IPO7: variants seen among roughly 807,000 people sequenced by gnomAD.
IPO7 encodes the protein importin 7.
In IPO7, 13 loss-of-function variants were observed where a neutral mutation model predicts 136.4. The ratio of observed to expected loss-of-function variants is 0.10; its 90% CI spans 0.06 to 0.15. The LOEUF (loss-of-function observed/expected upper bound fraction) is 0.15, where lower values mean the gene tolerates loss of function less well. Among genes scored for constraint, IPO7 ranks in the 10% least tolerant of loss-of-function variants. The pLI, the probability that IPO7 is intolerant of heterozygous loss-of-function variation, is 1.00. For synonymous variants in IPO7, 403 were observed against 404.4 expected (o/e 1.00, Z 0.04); for missense variants, 857 against 1,240.6 (o/e 0.69, Z 4.65).
At chr11:9,429,434 G>A (rs762615428) in intron 14 of IPO7, among the ~76,000 whole-genome samples, 3 of 151,728 alleles carry the variant, frequency 2.0e-5, no homozygotes, top group Non-Finnish European at 2.9e-5. Flanking sequence ...AGAGCCCGAC[G>A]GTTCGAGGCT....
At chr11:9,425,029 T>C in intron 11 of IPO7, 39 bp downstream of exon 11, 2 of 1,406,154 alleles carry the variant, frequency 1.4e-6, no homozygotes, top group Non-Finnish European at 2.0e-6. Flanking sequence ...TTCTGTATTA[T>C]TTAAAATTTA....
intron 24 of IPO7, 101 bp downstream of exon 24, chr11:9,442,298 G>T (rs537168849): frequency 2.7e-4 from 147 of 543,980 alleles, no homozygotes; most frequent in African/African-American, 2.5e-3. Flanking sequence ...CATTTAAGAT[G>T]ATATAAAAGG....
At chr11:9,403,982 C>G (rs1036201082) in intron 2 of IPO7, among the ~76,000 whole-genome samples, 8 of 152,164 alleles carry the variant, frequency 5.3e-5, no homozygotes, top group Admixed American at 2.6e-4. Context: ...CTGCCTTAGC[C>G]TCCTGAGTAG....
chr11:9,388,473 C>A (rs543474597), intron 1 of IPO7, among the ~76,000 whole-genome samples: 16 of 150,482 alleles, frequency 1.1e-4, no homozygotes, highest in African/African-American at 3.9e-4. Flanking sequence ...CCATGCCCAG[C>A]CTATTTATTT....
rs186689543 is a variant in IPO7, at chr11:9,389,178, G to A, written c.84+4331G>A. Among the ~76,000 whole-genome samples, 111 of 151,976 alleles carry A rather than the reference G, an allele frequency of 7.3e-4. No homozygotes were observed. The Middle Eastern group carries it at 0.01, about 14-fold the overall frequency. On this transcript the variant is annotated intron_variant, in intron 1 of 24. Transcript: ENST00000379719. ...AGCGATTCTCAGTCCTCAGCCTCTT[G>A]AGTAACTGAGACTACAGGTGCCACC... is the stretch of plus-strand genomic sequence containing the variant.
chr11:9,390,014 C>A (rs1590423755), intron 1 of IPO7, among the ~76,000 whole-genome samples: 1 of 152,184 alleles, frequency 6.6e-6, no homozygotes, highest in East Asian at 1.9e-4. Context: ...CCTCAGCCTC[C>A]CAAAGTCTTG....
intron 18 of IPO7, among the ~76,000 whole-genome samples, chr11:9,434,142 C>T (rs147378084): frequency 1.5e-4 from 23 of 151,984 alleles, no homozygotes; most frequent in Non-Finnish European, 2.1e-4. Context: ...AGACTGGTCT[C>T]GAACTCCCGA....
At chr11:9,434,797 C>T in intron 18 of IPO7, 137 bp from the exon 19 acceptor site, 1 of 675,004 alleles carries the variant, frequency 1.5e-6, no homozygotes, top group Non-Finnish European at 2.7e-6. Context: ...GAGAGTGTCC[C>T]CCCTCCCCCC....
chr11:9,428,870 A>T, intron 13 of IPO7, 161 bp from the exon 14 acceptor site: 1 of 804,412 alleles, frequency 1.2e-6, no homozygotes. Context: ...CATGCGGCCA[A>T]AGAGTAACTT....
intron 6 of IPO7, among the ~76,000 whole-genome samples, chr11:9,419,584 A>G (rs78517851): frequency 6.9e-6 from 1 of 144,886 alleles, no homozygotes; most frequent in African/African-American, 2.5e-5. Context: ...ATATATATAT[A>G]TATGTTATGG....
intron 3 of IPO7, among the ~76,000 whole-genome samples, chr11:9,409,022 G>C (rs1437692934): frequency 6.6e-6 from 1 of 151,104 alleles, no homozygotes; most frequent in African/African-American, 2.4e-5. Context: ...TTTCTGGGGG[G>C]CTTTTGGGGG....
At chr11:9,426,526 G>C (rs12797567) in intron 12 of IPO7, among the ~76,000 whole-genome samples, 70,049 of 151,880 alleles carry the variant, frequency 0.46, 17,960 homozygotes, top group Non-Finnish European at 0.58. Flanking sequence ...ATACCTAGGA[G>C]TATGAATTGC....
At chr11:9,415,112 G>A (rs953720588) in intron 5 of IPO7, among the ~76,000 whole-genome samples, 10 of 151,586 alleles carry the variant, frequency 6.6e-5, no homozygotes, top group Non-Finnish European at 1.0e-4. Context: ...GAGGAGGGGA[G>A]TTCGAGACCA....
At chr11:9,419,286 A>T (rs1359693451) in intron 6 of IPO7, among the ~76,000 whole-genome samples, 1 of 152,080 alleles carries the variant, frequency 6.6e-6, no homozygotes, top group Non-Finnish European at 1.5e-5. Context: ...GTGGTGGCTT[A>T]CGCCTGTAAT....
rs1166583927 is a variant in IPO7 at position 9,409,935 on chromosome 11, C to G, written c.328C>G (p.Leu110Val). 4 of 1,555,042 alleles carry G rather than the reference C, an allele frequency of 2.6e-6. No homozygotes were observed. The South Asian group carries it at 3.7e-5, about 14-fold the overall frequency. ...IHSPELIRVQLTTCIHHIIKH... is the reference protein window; with the variant it reads ...IHSPELIRVQVTTCIHHIIKH... ...TTTTTTTTTGGCTTCCAGGGTACAG[C>G]TTACTACATGCATTCATCACATCAT... Residue 110 changes from leucine (L) to valine (V), a missense_variant, in exon 4 of 25, where the codon CTT becomes GTT. Around this residue, in one of 11 missense-constraint regions of IPO7, gnomAD observed 287 missense variants for 307.5 expected, o/e 0.93. Transcript: ENST00000379719.
Position 9,423,176 on chromosome 11 carries a change from TA to T in IPO7, c.1041+37del, listed in dbSNP as rs760512496. Reference sequence around the variant, plus strand: ...TTATCTGAAATGTTTTTATAGTAAATATAATAGAAATGACATCAATTGCCAT... The same window carrying T: ...TTATCTGAAATGTTTTTATAGTAAATTAATAGAAATGACATCAATTGCCAT... On this transcript the variant is annotated intron_variant, in intron 9 of 24. Transcript: ENST00000379719. The T allele has an allele frequency of 8.6e-6, 12 of 1,390,880 alleles. No individual in the cohort carries two copies. In the African/African-American group the frequency reaches 1.7e-4, roughly 20 times the overall value. 86.2% of individuals were successfully genotyped at this position (1,390,880 alleles called of 1,614,324 possible).
chr11:9,391,939 T>C (rs2133718589), intron 1 of IPO7, among the ~76,000 whole-genome samples: 1 of 151,952 alleles, frequency 6.6e-6, no homozygotes, highest in South Asian at 2.1e-4. Flanking sequence ...CCTAAGTTTT[T>C]TATTTTTTGT....
chr11:9,425,818 G>T (rs1855196868), intron 12 of IPO7, among the ~76,000 whole-genome samples: 1 of 151,654 alleles, frequency 6.6e-6, no homozygotes, highest in Non-Finnish European at 1.5e-5. Context: ...CGTGGAGTTT[G>T]CAGTGAGCCG....
chr11:9,394,463 AAT>A (rs1273478064), intron 1 of IPO7, among the ~76,000 whole-genome samples: 1 of 152,188 alleles, frequency 6.6e-6, no homozygotes, highest in African/African-American at 2.4e-5. Context: ...CTGTTGTACT[AAT>A]AGTTTTTCAT....
Sources: gnomAD v4.1 joint callset for allele counts (sites outside exome capture counted in the v4.1 genomes callset) on GRCh38, gnomAD v4.1.1 for gene constraint, gnomAD v4.1.1 regional missense constraint, MANE v1.5 for transcripts, NCBI Gene and HGNC (gene_info 2026-07-23, HGNC 2026-07-21) for gene names.